EFR3A: variants seen among roughly 807,000 people sequenced by gnomAD.
EFR3A encodes protein EFR3 homolog A.
EFR3A carries 76 observed loss-of-function variants against 104.4 expected under a neutral mutation model. That is an observed-to-expected ratio of 0.73 (90% CI 0.60 to 0.88). EFR3A has a LOEUF of 0.88. Ranked by LOEUF, EFR3A falls within the 40% of genes least tolerant of loss-of-function variation. The pLI, the probability that EFR3A is intolerant of heterozygous loss-of-function variation, is 0.00. For missense variants in EFR3A, 985 were observed against 1,012.5 expected, an observed-to-expected ratio of 0.97 and a Z score of 0.37; for synonymous variants, 330 against 330.0, an observed-to-expected ratio of 1.00 and a Z score of 0.00.
intron 10 of EFR3A, among the ~76,000 whole-genome samples, chr8:131,972,379 ATAG>A (rs1820109806): frequency 6.6e-6 from 1 of 150,942 alleles, no homozygotes; most frequent in African/African-American, 2.4e-5. Flanking sequence ...TTTTTAGTGG[ATAG>A]TAGTATTAGA....
chr8:131,978,135 T>G (rs1820415086), intron 12 of EFR3A, among the ~76,000 whole-genome samples: 1 of 152,114 alleles, frequency 6.6e-6, no homozygotes, highest in Non-Finnish European at 1.5e-5. Flanking sequence ...ATCCTGAAAA[T>G]ATGTTGAGAT....
At position 131,944,679 on chromosome 8, in the gene EFR3A, G is replaced by A. The variant is rs928260809; in HGVS notation, c.88-66G>A. ...TCCAGAAAGGGAAATTGTAAAGCAG[G>A]CAACACTTAAAAATATAATAAGCAT... On this transcript the variant is annotated intron_variant, in intron 2 of 22. Coordinates refer to ENST00000254624, the MANE Select transcript of EFR3A (RefSeq NM_015137.6). 1.2e-5 allele frequency: 17 copies of A among 1,437,316 alleles called. No individual in the cohort carries two copies. In the Admixed American group the frequency reaches 4.0e-4, roughly 34 times the overall value. 89.0% of individuals were successfully genotyped at this position (1,437,316 alleles called of 1,614,324 possible).
chr8:131,962,524 T>C (rs558668054), intron 8 of EFR3A, among the ~76,000 whole-genome samples: 33 of 152,234 alleles, frequency 2.2e-4, no homozygotes, highest in African/African-American at 7.0e-4. Context: ...CCTAAATATA[T>C]ATGCACCCAA....
At chr8:131,936,034 A>G (rs1339408008) in intron 1 of EFR3A, among the ~76,000 whole-genome samples, 1 of 151,728 alleles carries the variant, frequency 6.6e-6, no homozygotes. Flanking sequence ...AATCCATACT[A>G]TCAGTTTCAC....
At chr8:131,993,290 T>C (rs1360833929) in intron 18 of EFR3A, among the ~76,000 whole-genome samples, 1 of 152,172 alleles carries the variant, frequency 6.6e-6, no homozygotes, top group African/African-American at 2.4e-5. Flanking sequence ...TAACTATACA[T>C]CATCCACATT....
chr8:131,982,221 A>C (rs1820652269), intron 14 of EFR3A, among the ~76,000 whole-genome samples: 1 of 151,992 alleles, frequency 6.6e-6, no homozygotes, highest in South Asian at 2.1e-4. Flanking sequence ...TCCTTGAACT[A>C]TATTGTTTAG....
rs1822460644 is a variant in EFR3A, at chr8:132,013,637, T to G, written c.*2742T>G. 1 of 152,206 alleles carries G rather than the reference T, an allele frequency of 6.6e-6. No individual in the cohort carries two copies. Among genetic ancestry groups the G allele is most frequent in the African/African-American group, 2.4e-5 (1 of 41,428 alleles). 9.4% of individuals were successfully genotyped at this position (152,206 alleles called of 1,614,324 possible). A position where few individuals can be genotyped will look rare whatever the true frequency, so the allele number is the denominator to read the frequency against. On this transcript the variant is annotated 3_prime_UTR_variant, in exon 23 of 23. Coordinates refer to ENST00000254624, the MANE Select transcript of EFR3A (RefSeq NM_015137.6). Reference sequence around the variant, plus strand: ...AAATTTATTCAATATTTGCTTAAATTAAAAATGAATTGCTTCTTTTGAGCC... The same window carrying G: ...AAATTTATTCAATATTTGCTTAAATGAAAAATGAATTGCTTCTTTTGAGCC...
chr8:131,938,820 C>T (rs1343415528), intron 1 of EFR3A, among the ~76,000 whole-genome samples: 2 of 152,110 alleles, frequency 1.3e-5, no homozygotes, highest in East Asian at 3.9e-4. Flanking sequence ...AAATTGGCCT[C>T]TCTAAGCTGG....
chr8:131,932,718 T>A (rs1247874893), intron 1 of EFR3A, among the ~76,000 whole-genome samples: 4 of 152,130 alleles, frequency 2.6e-5, no homozygotes, highest in Non-Finnish European at 5.9e-5. Context: ...GGAAACTGTC[T>A]CCATAATGAC....
chr8:131,953,998 T>A, intron 6 of EFR3A, 31 bp downstream of exon 6: 1 of 1,494,054 alleles, frequency 6.7e-7, no homozygotes, highest in Non-Finnish European at 9.0e-7. Context: ...GTTGAGACAG[T>A]GTTACTTTTA....
chr8:131,920,815 T>C (rs938251329), intron 1 of EFR3A, among the ~76,000 whole-genome samples: 5 of 152,150 alleles, frequency 3.3e-5, no homozygotes, highest in Non-Finnish European at 7.4e-5. Flanking sequence ...GGGATATTAT[T>C]GTCTTTCTGA....
At chr8:131,963,873 A>G (rs906736003) in intron 8 of EFR3A, among the ~76,000 whole-genome samples, 3 of 152,222 alleles carry the variant, frequency 2.0e-5, no homozygotes, top group South Asian at 2.1e-4. Context: ...CTTATCCACC[A>G]TGATCAAGTG....
At chr8:131,996,306 T>A in intron 18 of EFR3A, 100 bp from the exon 19 acceptor site, 1 of 703,158 alleles carries the variant, frequency 1.4e-6, no homozygotes. Flanking sequence ...ACTGTCTGAA[T>A]TTTTTGACAG....
At chr8:131,944,974 A>C in intron 3 of EFR3A, 102 bp downstream of exon 3, 1 of 1,252,874 alleles carries the variant, frequency 8.0e-7, no homozygotes, top group Non-Finnish European at 1.1e-6. Flanking sequence ...GACAAAGATA[A>C]TATATAGAGG....
chr8:131,921,597 A>G (rs959562318), intron 1 of EFR3A, among the ~76,000 whole-genome samples: 2 of 152,196 alleles, frequency 1.3e-5, no homozygotes, highest in Non-Finnish European at 2.9e-5. Context: ...TTTGATGTAA[A>G]TTAATGGTAT....
intron 5 of EFR3A, among the ~76,000 whole-genome samples, chr8:131,950,600 C>A (rs1818649135): frequency 6.6e-6 from 1 of 152,138 alleles, no homozygotes; most frequent in South Asian, 2.1e-4. Context: ...TCTTTATCTT[C>A]TTATCATGTA....
At chr8:131,937,214 T>G (rs1218506058) in intron 1 of EFR3A, among the ~76,000 whole-genome samples, 1 of 152,172 alleles carries the variant, frequency 6.6e-6, no homozygotes, top group Non-Finnish European at 1.5e-5. Flanking sequence ...AAATGTTACT[T>G]CAGGAGTATG....
Position 131,987,593 on chromosome 8 carries a change from G to A in EFR3A, c.1956G>A (p.Glu652=). Residue 652 remains glutamate (E), a synonymous_variant, in exon 18 of 23, where the codon GAG becomes GAA. Transcript: ENST00000254624. ...RDKCMLPKSL[E]KHEKDLYFLT... is the part of the protein sequence containing the mutation. ...TTCGCAGGCTTCCAAAATCTTTAGA[G>A]AAGCATGAAAAAGATTTGTACTTTC... is the stretch of plus-strand genomic sequence containing the variant. 1 of 1,596,576 alleles carries A rather than the reference G, an allele frequency of 6.3e-7. No individual in the cohort carries two copies. Among genetic ancestry groups the A allele is most frequent in the East Asian group, 2.2e-5 (1 of 44,592 alleles).
chr8:131,926,060 A>G (rs1044877225), intron 1 of EFR3A, among the ~76,000 whole-genome samples: 2 of 152,146 alleles, frequency 1.3e-5, no homozygotes, highest in African/African-American at 2.4e-5. Context: ...AAAATCTATT[A>G]TAGGGTTATA....
Sources: gnomAD v4.1 joint callset for allele counts (sites outside exome capture counted in the v4.1 genomes callset) on GRCh38, gnomAD v4.1.1 for gene constraint, MANE v1.5 for transcripts, NCBI Gene and HGNC (gene_info 2026-07-23, HGNC 2026-07-21) for gene names.